The following LAMA3 variants were observed in gnomAD, a reference collection of about 807,000 sequenced individuals.
LAMA3 encodes the protein laminin subunit alpha-3.
A neutral mutation model predicts 402.0 loss-of-function variants in LAMA3; 281 were observed. That is an observed-to-expected ratio of 0.70 (90% CI 0.63 to 0.77). The LOEUF (loss-of-function observed/expected upper bound fraction) is 0.77, where lower values mean the gene tolerates loss of function less well. LAMA3 is among the 30% of genes least tolerant of loss of function. LAMA3 has a pLI of 0.00. For synonymous variants in LAMA3, 1,431 were observed against 1,558.4 expected (o/e 0.92, Z 1.93); for missense variants, 3,840 against 4,215.5 (o/e 0.91, Z 2.47).
chr18:23,837,370 C>G (rs372600942), intron 25 of LAMA3: 2 of 373,628 alleles, frequency 5.4e-6, no homozygotes, highest in African/African-American at 2.1e-5. Context: ...AAAATGTCTT[C>G]TGTTATTATA....
chr18:23,890,271 A>G (rs2080614116), intron 42 of LAMA3, among the ~76,000 whole-genome samples, 154 bp downstream of exon 42: 1 of 152,248 alleles, frequency 6.6e-6, no homozygotes, highest in Non-Finnish European at 1.5e-5. Context: ...CCAGCCAGCA[A>G]GCTGTCCCCT....
Position 23,872,996 on chromosome 18 carries a change from A to C in LAMA3, c.4998+1335A>C, listed in dbSNP as rs370608278. Reference sequence around the variant, plus strand: ...ACTGAGCAGGAAGGGCAGGTATAAGAGGAAGAGGCAGAGGTTCCTGCGCAG... The same window carrying C: ...ACTGAGCAGGAAGGGCAGGTATAAGCGGAAGAGGCAGAGGTTCCTGCGCAG... On this transcript the variant is annotated intron_variant, in intron 38 of 74. Transcript: ENST00000313654. The C allele has an allele frequency of 1.7e-5, 28 of 1,612,260 alleles. No homozygotes were observed. The African/African-American group carries it at 3.7e-4, about 22-fold the overall frequency.
intron 40 of LAMA3, among the ~76,000 whole-genome samples, chr18:23,883,205 C>A (rs888027579): frequency 6.6e-6 from 1 of 152,176 alleles, no homozygotes; most frequent in Non-Finnish European, 1.5e-5. Flanking sequence ...TGGATCTTAT[C>A]CTCAGTGCGA....
At chr18:23,766,286 A>G (rs1568161889) in intron 8 of LAMA3, among the ~76,000 whole-genome samples, 1 of 152,242 alleles carries the variant, frequency 6.6e-6, no homozygotes. Context: ...GTATCTTTAA[A>G]GTGCTAAAAG....
intron 21 of LAMA3, among the ~76,000 whole-genome samples, chr18:23,824,782 T>C (rs1159061840): frequency 2.6e-5 from 4 of 152,194 alleles, no homozygotes; most frequent in African/African-American, 9.7e-5. Context: ...TCCTTTCAGC[T>C]AGCTTCTCTT....
At chr18:23,752,342 G>T (rs999454149) in intron 5 of LAMA3, among the ~76,000 whole-genome samples, 2 of 152,130 alleles carry the variant, frequency 1.3e-5, no homozygotes, top group African/African-American at 4.8e-5. Flanking sequence ...CTTTTTGGGG[G>T]TTGCAAGATT....
intron 62 of LAMA3, among the ~76,000 whole-genome samples, chr18:23,922,913 GAGA>G (rs1286746818): frequency 2.6e-5 from 4 of 152,178 alleles, no homozygotes; most frequent in Non-Finnish European, 5.9e-5. Context: ...GTGGAGCCTG[GAGA>G]AGAACAGAAG....
intron 6 of LAMA3, among the ~76,000 whole-genome samples, chr18:23,754,256 C>T (rs767764274): frequency 6.6e-5 from 10 of 152,158 alleles, no homozygotes; most frequent in Admixed American, 2.6e-4. Flanking sequence ...ACTATGTTCA[C>T]GTTGTTGTGC....
chr18:23,856,042 A>G (rs946076675), intron 32 of LAMA3, among the ~76,000 whole-genome samples: 1 of 152,230 alleles, frequency 6.6e-6, no homozygotes, highest in African/African-American at 2.4e-5. Context: ...TACATGTAAT[A>G]TTTAATCCTC....
chr18:23,741,915 A>T (rs913566124), intron 2 of LAMA3, among the ~76,000 whole-genome samples: 1 of 152,178 alleles, frequency 6.6e-6, no homozygotes, highest in Admixed American at 6.5e-5. Context: ...TGAGGTCAGG[A>T]GTTCGAGACC....
At chr18:23,793,231 G>A (rs2062695703) in intron 12 of LAMA3, among the ~76,000 whole-genome samples, 1 of 152,100 alleles carries the variant, frequency 6.6e-6, no homozygotes, top group East Asian at 1.9e-4. Context: ...TGTGAGAGCT[G>A]GTAGAGGAGG....
chr18:23,886,020 A>C (rs1288018759), intron 41 of LAMA3, among the ~76,000 whole-genome samples: 1 of 152,228 alleles, frequency 6.6e-6, no homozygotes, highest in Non-Finnish European at 1.5e-5. Context: ...CATATCAGTA[A>C]GTATTCACTG....
chr18:23,854,589 C>T (rs533173060), intron 32 of LAMA3, among the ~76,000 whole-genome samples: 3 of 150,670 alleles, frequency 2.0e-5, no homozygotes, highest in Non-Finnish European at 4.4e-5. Flanking sequence ...TGCAGTGAGC[C>T]GAGATTGCGC....
chr18:23,865,840 G>A (rs1568273062), intron 36 of LAMA3, among the ~76,000 whole-genome samples: 1 of 152,214 alleles, frequency 6.6e-6, no homozygotes, highest in Non-Finnish European at 1.5e-5. Context: ...CCAGTCCAAT[G>A]GGGCTGTATC....
chr18:23,732,880 A>T (rs780265121), intron 2 of LAMA3, among the ~76,000 whole-genome samples: 1 of 152,160 alleles, frequency 6.6e-6, no homozygotes, highest in Non-Finnish European at 1.5e-5. Context: ...CACAAACTAA[A>T]TCCTCAACAA....
intron 7 of LAMA3, 134 bp from the exon 8 acceptor site, chr18:23,763,271 T>G: frequency 1.5e-6 from 1 of 678,658 alleles, no homozygotes; most frequent in Admixed American, 2.1e-5. Context: ...CCCTAAAAAT[T>G]TTCCCCTAAG....
chr18:23,797,834 C>T (rs1478654036), intron 12 of LAMA3, among the ~76,000 whole-genome samples: 1 of 152,114 alleles, frequency 6.6e-6, no homozygotes, highest in East Asian at 1.9e-4. Context: ...TCCAGACTTT[C>T]CTAAGTACAA....
At chr18:23,700,668 T>C (rs1365441621) in intron 1 of LAMA3, among the ~76,000 whole-genome samples, 2 of 152,126 alleles carry the variant, frequency 1.3e-5, no homozygotes, top group African/African-American at 2.4e-5. Context: ...TGGAACACAG[T>C]TAGTGTTTAA....
intron 1 of LAMA3, among the ~76,000 whole-genome samples, chr18:23,708,572 C>A (rs2060932217): frequency 6.6e-6 from 1 of 152,034 alleles, no homozygotes; most frequent in Admixed American, 6.6e-5. Context: ...TTGATGTTCT[C>A]TGAGACTATT....
Sources: allele counts gnomAD v4.1 joint callset (sites outside exome capture counted in the v4.1 genomes callset), GRCh38; gene constraint gnomAD v4.1.1; transcripts MANE v1.5; gene names NCBI Gene and HGNC (gene_info 2026-07-23, HGNC 2026-07-21).